The following TEAD1 variants were observed in gnomAD, a reference collection of about 807,000 sequenced individuals.
The protein encoded by TEAD1 is transcriptional enhancer factor TEF-1.
In TEAD1, 9 loss-of-function variants were observed where a neutral mutation model predicts 54.9. The ratio of observed to expected loss-of-function variants is 0.16; its 90% CI spans 0.10 to 0.29. The LOEUF (loss-of-function observed/expected upper bound fraction) is 0.29, where lower values mean the gene tolerates loss of function less well. Ranked by LOEUF, TEAD1 falls within the 10% of genes least tolerant of loss-of-function variation. TEAD1 has a pLI of 1.00. For missense variants in TEAD1, 387 were observed against 535.9 expected (o/e 0.72, Z 2.74); for synonymous variants, 200 against 187.8 (o/e 1.07, Z -0.53).
intron 3 of TEAD1, among the ~76,000 whole-genome samples, chr11:12,844,784 T>C (rs552923523): frequency 3.5e-4 from 54 of 152,142 alleles, no homozygotes; most frequent in African/African-American, 1.2e-3. Context: ...TACCCAACGA[T>C]TGATATGTTT....
intron 2 of TEAD1, among the ~76,000 whole-genome samples, chr11:12,726,283 A>G (rs572196909): frequency 9.8e-5 from 15 of 152,314 alleles, no homozygotes; most frequent in Admixed American, 4.6e-4. Flanking sequence ...ATGTCATTCT[A>G]AAAATGGAGA....
At chr11:12,927,129 T>C (rs1447725048) in intron 11 of TEAD1, among the ~76,000 whole-genome samples, 1 of 152,308 alleles carries the variant, frequency 6.6e-6, no homozygotes, top group East Asian at 1.9e-4. Flanking sequence ...CAGGGAAAGG[T>C]TGCTCTTGAC....
At chr11:12,924,072 C>T (rs1015635253) in intron 10 of TEAD1, among the ~76,000 whole-genome samples, 2 of 152,158 alleles carry the variant, frequency 1.3e-5, no homozygotes, top group Non-Finnish European at 2.9e-5. Flanking sequence ...CTGTCTTCTT[C>T]GCCCCCATAA....
At chr11:12,852,243 A>AC (rs373337516) in intron 3 of TEAD1, among the ~76,000 whole-genome samples, 92,354 of 151,372 alleles carry the variant, frequency 0.61, 29,770 homozygotes, top group East Asian at 0.76. Flanking sequence ...GTACCAGACT[A>AC]AGGAGTTTGT....
At chr11:12,716,148 A>G (rs1399975006) in intron 2 of TEAD1, among the ~76,000 whole-genome samples, 2 of 151,716 alleles carry the variant, frequency 1.3e-5, no homozygotes, top group East Asian at 3.9e-4. Flanking sequence ...CGGCCGAGGG[A>G]TGGGAGGGGG....
chr11:12,679,679 TATC>T (rs1362165548), intron 2 of TEAD1, among the ~76,000 whole-genome samples: 3 of 152,208 alleles, frequency 2.0e-5, no homozygotes, highest in Non-Finnish European at 4.4e-5. Flanking sequence ...GCTTTCTAAT[TATC>T]ATAATTCAGT....
intron 3 of TEAD1, among the ~76,000 whole-genome samples, chr11:12,810,500 C>T (rs906212799): frequency 9.2e-5 from 14 of 152,190 alleles, no homozygotes; most frequent in African/African-American, 1.9e-4. Context: ...ACAGGACAGC[C>T]GAGAAGCTTT....
chr11:12,796,102 C>A (rs773927872), intron 3 of TEAD1, among the ~76,000 whole-genome samples: 3 of 152,096 alleles, frequency 2.0e-5, no homozygotes, highest in Non-Finnish European at 4.4e-5. Flanking sequence ...AGGAGGGGGG[C>A]TAGTGTACGG....
intron 3 of TEAD1, among the ~76,000 whole-genome samples, chr11:12,856,736 G>T (rs2134059685): frequency 6.6e-6 from 1 of 152,302 alleles, no homozygotes; most frequent in East Asian, 1.9e-4. Flanking sequence ...TCCCAGTGAA[G>T]GGAAAGGGCC....
chr11:12,922,741 C>T (rs2955251), intron 10 of TEAD1: 76,855 of 151,182 alleles, frequency 0.51, 20,409 homozygotes, highest in South Asian at 0.65. Flanking sequence ...CCAGCCTGGG[C>T]ACCAAGGCAA....
chr11:12,742,713 CA>C (rs1413289001), intron 2 of TEAD1, among the ~76,000 whole-genome samples: 1 of 152,138 alleles, frequency 6.6e-6, no homozygotes, highest in East Asian at 1.9e-4. Context: ...TATTATTTAT[CA>C]TTCAAAAATA....
At chr11:12,716,765 G>T (rs1944071691) in intron 2 of TEAD1, among the ~76,000 whole-genome samples, 1 of 152,226 alleles carries the variant, frequency 6.6e-6, no homozygotes, top group African/African-American at 2.4e-5. Context: ...ATTAAGGAAT[G>T]TAAAAACCAT....
At chr11:12,713,614 A>G (rs922440307) in intron 2 of TEAD1, among the ~76,000 whole-genome samples, 1 of 152,242 alleles carries the variant, frequency 6.6e-6, no homozygotes, top group East Asian at 1.9e-4. Context: ...TAAAACCAGA[A>G]GCAGATCCTG....
intron 5 of TEAD1, chr11:12,878,800 CATAT>C (rs10543484): frequency 5.6e-5 from 42 of 753,874 alleles, no homozygotes; most frequent in Non-Finnish European, 7.4e-5. Flanking sequence ...TATATATACA[CATAT>C]ATATATGTTT....
chr11:12,828,796 T>A (rs2134014239), intron 3 of TEAD1, among the ~76,000 whole-genome samples: 1 of 151,662 alleles, frequency 6.6e-6, no homozygotes, highest in Admixed American at 6.6e-5. Flanking sequence ...ATTTGCATTT[T>A]TTTTTTTTTC....
chr11:12,706,065 A>G (rs1190818142), intron 2 of TEAD1, among the ~76,000 whole-genome samples: 2 of 152,250 alleles, frequency 1.3e-5, no homozygotes, highest in Non-Finnish European at 2.9e-5. Context: ...CAATGATGAA[A>G]TTGAAACTTA....
intron 2 of TEAD1, among the ~76,000 whole-genome samples, chr11:12,678,076 A>G (rs1283601976): frequency 1.3e-5 from 2 of 152,328 alleles, no homozygotes; most frequent in East Asian, 1.9e-4. Context: ...AGATTGTGAA[A>G]GGGAAAATAA....
intron 3 of TEAD1, among the ~76,000 whole-genome samples, chr11:12,772,157 C>CG: frequency 6.6e-6 from 1 of 152,158 alleles, no homozygotes; most frequent in Non-Finnish European, 1.5e-5. Context: ...AAATGAATGA[C>CG]GCTAGTTTCA....
intron 11 of TEAD1, among the ~76,000 whole-genome samples, chr11:12,929,663 T>C (rs1948977356): frequency 2.0e-5 from 3 of 152,178 alleles, no homozygotes; most frequent in Admixed American, 2.0e-4. Flanking sequence ...TTATTGAAAC[T>C]GCATATATAC....
Sources: allele counts gnomAD v4.1 joint callset (sites outside exome capture counted in the v4.1 genomes callset), GRCh38; gene constraint gnomAD v4.1.1; transcripts MANE v1.5; gene names NCBI Gene and HGNC (gene_info 2026-07-23, HGNC 2026-07-21).